The following ANAPC1 variants were observed in gnomAD, a reference collection of about 807,000 sequenced individuals.
ANAPC1 encodes the protein anaphase-promoting complex subunit 1.
Under a neutral mutation model 208.0 loss-of-function variants are expected in ANAPC1, and 36 were observed. The observed-to-expected ratio is 0.17, with a 90% confidence interval of 0.13 to 0.23. ANAPC1 has a LOEUF of 0.23. Ranked by LOEUF, ANAPC1 falls within the 10% of genes least tolerant of loss-of-function variation. ANAPC1 has a pLI of 1.00. For missense variants in ANAPC1, 942 were observed against 2,011.6 expected (o/e 0.47, Z 10.17); for synonymous variants, 378 against 695.2 (o/e 0.54, Z 7.18).
rs1679634043 is a variant in ANAPC1 at position 111,823,123 on chromosome 2, C to T, written c.2813-523G>A. ...CTCCCGGGTTCACGCCATTCTCCTG[C>T]CTCAGCCTCCCGAGTAGCTGGGACT... On this transcript the variant is annotated intron_variant, in intron 24 of 47. Transcript: ENST00000341068. Among the ~76,000 whole-genome samples the T allele has an allele frequency of 2.0e-5, 3 of 148,790 alleles. No homozygotes were observed. In the South Asian group the frequency reaches 6.4e-4, roughly 32 times the overall value.
At chr2:111,828,070 A>G (rs1250140877) in intron 21 of ANAPC1, among the ~76,000 whole-genome samples, 2 of 152,186 alleles carry the variant, frequency 1.3e-5, no homozygotes, top group African/African-American at 4.8e-5. Flanking sequence ...TCTAGAGCAT[A>G]AAAATGCCTA....
chr2:111,849,966 T>C (rs2104518084), intron 14 of ANAPC1, among the ~76,000 whole-genome samples: 1 of 152,100 alleles, frequency 6.6e-6, no homozygotes, highest in South Asian at 2.1e-4. Flanking sequence ...AAATCCCAGT[T>C]CTACCACTTA....
chr2:111,863,918 G>C, intron 8 of ANAPC1, 23 bp from the exon 9 acceptor site: 1 of 1,485,728 alleles, frequency 6.7e-7, no homozygotes, highest in Non-Finnish European at 8.9e-7. Flanking sequence ...TAAAGAGAAA[G>C]AGGAAAAAAA....
At chr2:111,868,687 C>T (rs1419203249) in intron 6 of ANAPC1, among the ~76,000 whole-genome samples, 10 of 152,128 alleles carry the variant, frequency 6.6e-5, no homozygotes, top group African/African-American at 2.4e-4. Flanking sequence ...CACGCCACCA[C>T]GCCCAGCTAG....
At chr2:111,810,565 C>A (rs1214100698) in intron 28 of ANAPC1, among the ~76,000 whole-genome samples, 1 of 150,122 alleles carries the variant, frequency 6.7e-6, no homozygotes, top group South Asian at 2.1e-4. Flanking sequence ...AATAGCCAAT[C>A]TGTATGGTTA....
rs1215899682 is a variant in ANAPC1, at chr2:111,850,965, C to G, written c.1516-55G>C. On this transcript the variant is annotated intron_variant, in intron 13 of 47. Coordinates refer to ENST00000341068, the MANE Select transcript of ANAPC1 (RefSeq NM_022662.4). ...AAATATTGCCTTTAATGCATCATAT[C>G]CTTAAATAAAATGTTAAGGAATATA... 3 of 1,557,858 alleles carry G rather than the reference C, an allele frequency of 1.9e-6. No individual in the cohort carries two copies. The Admixed American group carries it at 6.2e-5, about 32-fold the overall frequency.
At chr2:111,837,614 A>G (rs1680540268) in intron 18 of ANAPC1, among the ~76,000 whole-genome samples, 2 of 151,908 alleles carry the variant, frequency 1.3e-5, no homozygotes, top group South Asian at 4.1e-4. Context: ...CCGTCTCAAA[A>G]AAAAAAAAAC....
chr2:111,797,602 G>A (rs1363010704), intron 34 of ANAPC1, among the ~76,000 whole-genome samples: 1 of 151,936 alleles, frequency 6.6e-6, no homozygotes, highest in Non-Finnish European at 1.5e-5. Context: ...TCAAATAATA[G>A]ATGAATAAAT....
intron 47 of ANAPC1, among the ~76,000 whole-genome samples, chr2:111,770,201 TTATATA>T (rs3055943): frequency 0.026 from 2,151 of 81,504 alleles, 66 homozygotes; most frequent in African/African-American, 0.1. Context: ...TTGTTTAATT[TTATATA>T]TATATATATA....
intron 21 of ANAPC1, among the ~76,000 whole-genome samples, chr2:111,827,874 A>G (rs1286005506): frequency 2.0e-5 from 3 of 152,166 alleles, no homozygotes. Flanking sequence ...TAAAAATTAA[A>G]TTCATATTTT....
chr2:111,841,485 G>C (rs1680763599), intron 17 of ANAPC1, among the ~76,000 whole-genome samples: 2 of 146,270 alleles, frequency 1.4e-5, no homozygotes, highest in Non-Finnish European at 3.0e-5. Context: ...CTTGTCGGAG[G>C]GAAAGCATTC....
At chr2:111,859,247 C>T (rs1681918501) in intron 10 of ANAPC1, among the ~76,000 whole-genome samples, 1 of 152,138 alleles carries the variant, frequency 6.6e-6, no homozygotes, top group Non-Finnish European at 1.5e-5. Flanking sequence ...CTTTGGGAGG[C>T]CGAGGTGGGC....
At position 111,880,693 on chromosome 2, in the gene ANAPC1, C is replaced by G. The variant is rs1373673101; in HGVS notation, c.133G>C (p.Ala45Pro). 4 of 1,613,784 alleles carry G rather than the reference C, an allele frequency of 2.5e-6. No individual in the cohort carries two copies. The highest frequency in any genetic ancestry group is 3.4e-6 in the Non-Finnish European group (4 of 1,179,862). The change falls in exon 2 of 48, where the codon GCT becomes CCT. Residue 45 changes from alanine (A) to proline (P), a missense_variant. Transcript: ENST00000341068. ...LNLQLRQLQP[A>P]SELWSSDGAA... Reference sequence around the variant, plus strand: ...CCATCAGAAGACCATAATTCAGAAGCTGGCTGCAGCTGGCGAAGTTGAAGG... The same window carrying G: ...CCATCAGAAGACCATAATTCAGAAGGTGGCTGCAGCTGGCGAAGTTGAAGG...
At chr2:111,862,810 A>T (rs1341697664) in intron 9 of ANAPC1, among the ~76,000 whole-genome samples, 1 of 152,116 alleles carries the variant, frequency 6.6e-6, no homozygotes, top group Non-Finnish European at 1.5e-5. Flanking sequence ...AATTATTATT[A>T]GAAGAACTCA....
chr2:111,873,766 T>C, intron 3 of ANAPC1, 102 bp from the exon 4 acceptor site: 2 of 1,317,358 alleles, frequency 1.5e-6, no homozygotes, highest in Non-Finnish European at 1.0e-6. Context: ...CGTAATAACT[T>C]TGCCTCCTCA....
At chr2:111,853,584 T>G (rs1681529320) in intron 13 of ANAPC1, among the ~76,000 whole-genome samples, 2 of 152,056 alleles carry the variant, frequency 1.3e-5, no homozygotes, top group South Asian at 4.2e-4. Context: ...CACTGAAGTT[T>G]TGAGCCCCTC....
chr2:111,782,643 T>A, intron 42 of ANAPC1, 136 bp from the exon 43 acceptor site: 1 of 781,732 alleles, frequency 1.3e-6, no homozygotes, highest in East Asian at 2.8e-5. Context: ...ATTTACTGTG[T>A]CTAAGATTAA....
At chr2:111,835,122 TTGGGAGAAGA>T (rs1680395364) in intron 18 of ANAPC1, among the ~76,000 whole-genome samples, 1 of 152,010 alleles carries the variant, frequency 6.6e-6, no homozygotes, top group Non-Finnish European at 1.5e-5. Context: ...AGGAAAGACA[TTGGGAGAAGA>T]ATTATACTAT....
Position 111,768,905 on chromosome 2 carries a change from G to A in ANAPC1, c.*386C>T. On this transcript the variant is annotated 3_prime_UTR_variant, in exon 48 of 48. Coordinates refer to ENST00000341068, the MANE Select transcript of ANAPC1 (RefSeq NM_022662.4). ...CTAAAGCGCTCTTTTGCCACAGAAA[G>A]TAAAACTTTATGACATAGCTTCTTT... 4.7e-6 allele frequency: 1 copy of A among 211,924 alleles called. No homozygotes were observed. Among genetic ancestry groups the A allele is most frequent in the Non-Finnish European group, 9.6e-6 (1 of 104,126 alleles). The allele number at this position is 211,924 out of a possible 1,614,324, so 13.1% of individuals were successfully genotyped here.
Sources: gnomAD v4.1 joint callset for allele counts (sites outside exome capture counted in the v4.1 genomes callset) on GRCh38, gnomAD v4.1.1 for gene constraint, MANE v1.5 for transcripts, NCBI Gene and HGNC (gene_info 2026-07-23, HGNC 2026-07-21) for gene names.